AGAP1: variants seen among roughly 807,000 people sequenced by gnomAD.
The protein encoded by AGAP1 is arf-GAP with GTPase, ANK repeat and PH domain-containing protein 1.
In AGAP1, 29 loss-of-function variants were observed where a neutral mutation model predicts 105.3. The ratio of observed to expected loss-of-function variants is 0.28; its 90% CI spans 0.21 to 0.38. The LOEUF is 0.38. Among genes scored for constraint, AGAP1 ranks in the 10% least tolerant of loss-of-function variants. AGAP1 has a pLI of 1.00. For synonymous variants in AGAP1, 509 were observed against 485.9 expected (o/e 1.05, Z -0.63); for missense variants, 998 against 1,165.1 (o/e 0.86, Z 2.09).
In AGAP1 at chr2:236,036,119, C is replaced by T. The variant is rs925999857; in HGVS notation, c.1646-442C>T. On this transcript the variant is annotated intron_variant, in intron 13 of 17. Coordinates refer to ENST00000304032, the MANE Select transcript of AGAP1 (RefSeq NM_001037131.3). This position sits in a 1 kb window ranked among gnomAD's most constrained non-coding sequence, Gnocchi z 5.7. ...CTGCCATAAAAGAACAGAACCTTCC[C>T]GCGTTCCTCTATCCATGGAGTGTCT... Among the ~76,000 whole-genome samples the T allele has an allele frequency of 3.9e-5, 6 of 152,180 alleles. No individual in the cohort carries two copies. Among genetic ancestry groups the T allele is most frequent in the Non-Finnish European group, 5.9e-5 (4 of 68,042 alleles).
intron 3 of AGAP1, among the ~76,000 whole-genome samples, chr2:235,730,626 G>A (rs1380420970): frequency 6.6e-6 from 1 of 152,114 alleles, no homozygotes; most frequent in Non-Finnish European, 1.5e-5. Flanking sequence ...TATTACAGGT[G>A]TGAGCTACCA....
At chr2:235,636,330 C>T (rs1947001183) in intron 1 of AGAP1, among the ~76,000 whole-genome samples, 1 of 151,994 alleles carries the variant, frequency 6.6e-6, no homozygotes, top group African/African-American at 2.4e-5. Flanking sequence ...CCCCTGCCCC[C>T]AATTTTTGGG....
At chr2:235,544,198 T>C (rs1385263827) in intron 1 of AGAP1, among the ~76,000 whole-genome samples, 1 of 152,218 alleles carries the variant, frequency 6.6e-6, no homozygotes, top group Non-Finnish European at 1.5e-5. Context: ...TGCTCAGATA[T>C]GACTTTCCCT....
In AGAP1 at chr2:235,904,560, G is replaced by A. The variant is rs537782239; in HGVS notation, c.1156-4178G>A. On this transcript the variant is annotated intron_variant, in intron 10 of 17. Coordinates refer to ENST00000304032, the MANE Select transcript of AGAP1 (RefSeq NM_001037131.3). The surrounding 1 kb of genome is among the most constrained non-coding windows in gnomAD (Gnocchi z 4.2). The stretch of plus-strand genomic sequence containing the variant: ...AAAGGGTTTTTCCTCTTTTATCTTC[G>A]ATCAGCATTTTCAACAAGGAACATG... 2.0e-5 allele frequency among the ~76,000 whole-genome samples: 3 copies of A among 151,998 alleles called. No homozygotes were observed. The highest frequency in any genetic ancestry group is 7.3e-5 in the African/African-American group (3 of 41,372).
rs3768960 is a variant in AGAP1, at chr2:235,733,489, C to A, written c.311-7474C>A. Among the ~76,000 whole-genome samples, 124 of 152,344 alleles carry A rather than the reference C, an allele frequency of 8.1e-4. 2 individuals carry two copies. The East Asian group carries it at 0.019, about 24-fold the overall frequency. On this transcript the variant is annotated intron_variant, in intron 3 of 17. Transcript: ENST00000304032. The surrounding 1 kb of genome is among the most constrained non-coding windows in gnomAD (Gnocchi z 5.0). ...ATTATGTAAAGCCGTGCCCCTTTTC[C>A]TGTTGGATGGTGAAGTTCCTTCCTT...
chr2:235,808,810 A>G (rs1423784309), intron 9 of AGAP1, among the ~76,000 whole-genome samples: 1 of 152,140 alleles, frequency 6.6e-6, no homozygotes, highest in African/African-American at 2.4e-5. Flanking sequence ...TTCAAAGACA[A>G]CAACAACAGA....
In AGAP1 at chr2:235,842,366, C is replaced by G. The variant is rs1045333957; in HGVS notation, c.1050+35035C>G. Among the ~76,000 whole-genome samples, 1 of 152,146 alleles carries G rather than the reference C, an allele frequency of 6.6e-6. No homozygotes were observed. Among genetic ancestry groups the G allele is most frequent in the African/African-American group, 2.4e-5 (1 of 41,418 alleles). On this transcript the variant is annotated intron_variant, in intron 9 of 17. Coordinates refer to ENST00000304032, the MANE Select transcript of AGAP1 (RefSeq NM_001037131.3). The surrounding 1 kb of genome is among the most constrained non-coding windows in gnomAD (Gnocchi z 5.3). ...TTAGCAGAACCTGTGACTTTGCCACCCTCAAAATCACAGACATGTTCACAG... is the reference window on the plus strand; with the variant it reads ...TTAGCAGAACCTGTGACTTTGCCACGCTCAAAATCACAGACATGTTCACAG...
chr2:235,913,977 T>G (rs1036401493), intron 11 of AGAP1, among the ~76,000 whole-genome samples: 1 of 152,214 alleles, frequency 6.6e-6, no homozygotes, highest in African/African-American at 2.4e-5. Context: ...GCATTTTTTT[T>G]TTTTATTTAG....
intron 12 of AGAP1, among the ~76,000 whole-genome samples, chr2:235,955,045 G>A (rs935265471): frequency 2.0e-5 from 3 of 152,196 alleles, no homozygotes; most frequent in Admixed American, 6.5e-5. Flanking sequence ...GGAGAAGAGA[G>A]CAAGAGTAGG....
chr2:235,759,455 C>A (rs576751133), intron 6 of AGAP1, among the ~76,000 whole-genome samples: 4 of 152,306 alleles, frequency 2.6e-5, no homozygotes, highest in East Asian at 1.9e-4. Flanking sequence ...AGGCGTGAGC[C>A]ACCGCGCCCG....
In AGAP1 at chr2:236,038,186, T is replaced by C. The variant is rs553381893; in HGVS notation, c.1800+1471T>C. Among the ~76,000 whole-genome samples, 1 of 152,156 alleles carries C rather than the reference T, an allele frequency of 6.6e-6. No individual in the cohort carries two copies. The highest frequency in any genetic ancestry group is 2.4e-5 in the African/African-American group (1 of 41,436). On this transcript the variant is annotated intron_variant, in intron 14 of 17. Coordinates refer to ENST00000304032, the MANE Select transcript of AGAP1 (RefSeq NM_001037131.3). This position sits in a 1 kb window ranked among gnomAD's most constrained non-coding sequence, Gnocchi z 4.5. ...CGTCCACATGCATCCATGATGTGCC[T>C]CCTGAAACGAGCACAGGGTGCTTTG...
At chr2:235,509,309 C>G (rs1389048978) in intron 1 of AGAP1, among the ~76,000 whole-genome samples, 1 of 152,236 alleles carries the variant, frequency 6.6e-6, no homozygotes, top group South Asian at 2.1e-4. Context: ...TCACTGTAAC[C>G]TCTGCCTCCC....
In AGAP1 at chr2:235,845,874, A is replaced by G. The variant is rs1214172558; in HGVS notation, c.1051-37471A>G. On this transcript the variant is annotated intron_variant, in intron 9 of 17. Coordinates refer to ENST00000304032, the MANE Select transcript of AGAP1 (RefSeq NM_001037131.3). This position sits in a 1 kb window ranked among gnomAD's most constrained non-coding sequence, Gnocchi z 4.8. ...GTTTGGGCCTCCTCACTGGTTTCCA[A>G]CCTTCAGTCTGTAGCCCTCAGATAT... is the stretch of plus-strand genomic sequence containing the variant. Among the ~76,000 whole-genome samples, 1 of 151,472 alleles carries G rather than the reference A, an allele frequency of 6.6e-6. No individual in the cohort carries two copies. Among genetic ancestry groups the G allele is most frequent in the African/African-American group, 2.4e-5 (1 of 41,170 alleles).
intron 3 of AGAP1, 120 bp downstream of exon 3, chr2:235,717,764 AGC>A: frequency 1.2e-6 from 1 of 855,366 alleles, no homozygotes. Flanking sequence ...AAACATACCA[AGC>A]GGTAAAAACC....
Position 236,104,504 on chromosome 2 carries a change from G to T in AGAP1, c.2115-15688G>T, listed in dbSNP as rs2059436415. On this transcript the variant is annotated intron_variant, in intron 16 of 17. Coordinates refer to ENST00000304032, the MANE Select transcript of AGAP1 (RefSeq NM_001037131.3). The surrounding 1 kb of genome is among the most constrained non-coding windows in gnomAD (Gnocchi z 4.7). ...TTGTCCCTTCTCAGATTCCTTGGGG[G>T]CACAGGGCTGTGAGGGTCAGGACCA... Among the ~76,000 whole-genome samples, 1 of 152,242 alleles carries T rather than the reference G, an allele frequency of 6.6e-6. No individual in the cohort carries two copies. The highest frequency in any genetic ancestry group is 1.5e-5 in the Non-Finnish European group (1 of 68,048).
At chr2:236,017,207 C>T (rs1012603894) in intron 13 of AGAP1, among the ~76,000 whole-genome samples, 2 of 151,058 alleles carry the variant, frequency 1.3e-5, no homozygotes, top group Non-Finnish European at 2.9e-5. Context: ...GCAGGAGAAT[C>T]GCTTGAACCC....
At chr2:236,108,620 A>G (rs941435758) in intron 16 of AGAP1, among the ~76,000 whole-genome samples, 4 of 152,054 alleles carry the variant, frequency 2.6e-5, no homozygotes, top group African/African-American at 4.8e-5. Context: ...ACTGGAAGAG[A>G]GAGGGGGTTC....
chr2:236,052,312 C>T (rs1484219813), intron 16 of AGAP1, among the ~76,000 whole-genome samples: 1 of 152,054 alleles, frequency 6.6e-6, no homozygotes, highest in Non-Finnish European at 1.5e-5. Flanking sequence ...GTTCAGCCTG[C>T]CCCCACCCCC....
In AGAP1 at chr2:235,736,393, C is replaced by T. The variant is rs1952256592; in HGVS notation, c.311-4570C>T. 6.6e-6 allele frequency among the ~76,000 whole-genome samples: 1 copy of T among 152,096 alleles called. No individual in the cohort carries two copies. The highest frequency in any genetic ancestry group is 2.1e-4 in the South Asian group (1 of 4,798). The stretch of plus-strand genomic sequence containing the variant: ...AATCGTACGTCATCATAATTGGCAG[C>T]AGAGAAGGTTGCACATCACTCATGG... On this transcript the variant is annotated intron_variant, in intron 3 of 17. Coordinates refer to ENST00000304032, the MANE Select transcript of AGAP1 (RefSeq NM_001037131.3). This position sits in a 1 kb window ranked among gnomAD's most constrained non-coding sequence, Gnocchi z 5.5.
Sources: allele counts gnomAD v4.1 joint callset (sites outside exome capture counted in the v4.1 genomes callset), GRCh38; gene constraint gnomAD v4.1.1; non-coding constraint Gnocchi (gnomAD v3.1); transcripts MANE v1.5; gene names NCBI Gene and HGNC (gene_info 2026-07-23, HGNC 2026-07-21).